Variants in FAAH2 observed in about 807,000 individuals in gnomAD.
FAAH2 encodes the protein fatty-acid amide hydrolase 2.
FAAH2 carries 60 observed loss-of-function variants against 36.9 expected under a neutral mutation model. That is an observed-to-expected ratio of 1.63 (90% CI 1.32 to 2.02). The LOEUF is 2.02. FAAH2 is among the 30% of genes most tolerant of loss of function. The pLI is 0.00. For synonymous variants in FAAH2, 214 were observed against 143.8 expected (o/e 1.49, Z -3.49); for missense variants, 689 against 397.5 (o/e 1.73, Z -6.23).
intron 3 of FAAH2, among the ~76,000 whole-genome samples, chrX:57,325,651 G>A (rs1468141176): frequency 4.4e-5 from 4 of 91,595 alleles, no homozygotes; most frequent in Admixed American, 2.5e-4. Flanking sequence ...TAGTCTGATG[G>A]TAGTTTGTAT....
chrX:57,436,053 C>T (rs2056403960), intron 8 of FAAH2, among the ~76,000 whole-genome samples: 1 of 110,956 alleles, frequency 9.0e-6, no homozygotes, highest in South Asian at 3.7e-4. Context: ...CTGAATATCA[C>T]TACTTTTGGG....
the FAAH2 span, among the ~76,000 whole-genome samples, chrX:57,237,375 A>G: frequency 9.0e-6 from 1 of 111,385 alleles, no homozygotes; most frequent in African/African-American, 3.2e-5. Flanking sequence ...TTACAATCAT[A>G]CTAACAGAAA....
chrX:57,300,710 A>T (rs1007505781), intron 2 of FAAH2, among the ~76,000 whole-genome samples: 4 of 112,073 alleles, frequency 3.6e-5, no homozygotes, highest in Non-Finnish European at 7.5e-5. Context: ...CAACCTACTC[A>T]TCTGACAAAG....
the FAAH2 span, among the ~76,000 whole-genome samples, chrX:57,191,379 G>A: frequency 9.0e-6 from 1 of 110,800 alleles, no homozygotes; most frequent in East Asian, 2.8e-4. Context: ...CTTATATATT[G>A]TGATTATTAA....
chrX:57,140,841 G>A, the FAAH2 span, among the ~76,000 whole-genome samples: 5 of 111,498 alleles, frequency 4.5e-5, no homozygotes, highest in African/African-American at 9.8e-5. Context: ...GAGGGAGGAA[G>A]AGAGGAATGA....
intron 10 of FAAH2, among the ~76,000 whole-genome samples, chrX:57,455,711 G>T (rs1051371458): frequency 1.1e-4 from 12 of 111,923 alleles, no homozygotes; most frequent in Non-Finnish European, 2.3e-4. Context: ...ACAAAGAAGG[G>T]TAATACTTAA....
intron 6 of FAAH2, among the ~76,000 whole-genome samples, chrX:57,380,579 T>A (rs2054816499): frequency 9.0e-6 from 1 of 111,656 alleles, no homozygotes; most frequent in African/African-American, 3.3e-5. Flanking sequence ...TGAAATTACC[T>A]ACTAATGATT....
the FAAH2 span, chrX:57,135,498 C>A: frequency 3.4e-6 from 1 of 297,163 alleles, no homozygotes; most frequent in South Asian, 4.4e-5. Context: ...CAGACCAGAC[C>A]AGCTAAATCC....
At chrX:57,245,952 AG>A in the FAAH2 span, among the ~76,000 whole-genome samples, 1 of 111,655 alleles carries the variant, frequency 9.0e-6, no homozygotes, top group Non-Finnish European at 1.9e-5. Context: ...TTTTTTTTAA[AG>A]ATCAACAAAA....
chrX:57,173,192 A>T, the FAAH2 span, among the ~76,000 whole-genome samples: 1 of 110,709 alleles, frequency 9.0e-6, no homozygotes, highest in African/African-American at 3.3e-5. Flanking sequence ...CACAATATTC[A>T]CTCTTCCAAT....
chrX:57,283,802 C>T (rs1244899795), upstream of FAAH2, among the ~76,000 whole-genome samples: 2 of 111,868 alleles, frequency 1.8e-5, no homozygotes, highest in African/African-American at 6.5e-5. Flanking sequence ...ACCACTGCAG[C>T]TGCAATGGCA....
Position 57,290,975 on chromosome X carries a change from G to T in FAAH2, c.193-1523G>T, listed in dbSNP as rs145776126. ...TAATTTTGGGTTTCTAATATTTCTG[G>T]ATATGATAATTTGTCAAATTGACTT... is the stretch of plus-strand genomic sequence containing the variant. On this transcript the variant is annotated intron_variant, in intron 1 of 10. Transcript: ENST00000374900. 3.2e-3 allele frequency among the ~76,000 whole-genome samples: 355 copies of T among 111,810 alleles called. 1 individual carries two copies. Among genetic ancestry groups the T allele is most frequent in the African/African-American group, 0.011 (341 of 30,828 alleles).
chrX:57,422,823 C>A (rs1306805297), intron 7 of FAAH2, among the ~76,000 whole-genome samples: 1 of 111,982 alleles, frequency 8.9e-6, no homozygotes, highest in Non-Finnish European at 1.9e-5. Context: ...CTGAAAATAG[C>A]AAAATAGCAG....
At chrX:57,323,036 A>G (rs2053081368) in intron 3 of FAAH2, among the ~76,000 whole-genome samples, 1 of 109,662 alleles carries the variant, frequency 9.1e-6, no homozygotes, top group Admixed American at 9.8e-5. Flanking sequence ...TCCTGTGTCC[A>G]TGTGTTCTCA....
the FAAH2 span, among the ~76,000 whole-genome samples, chrX:57,160,558 T>A: frequency 1.8e-5 from 2 of 112,109 alleles, no homozygotes; most frequent in African/African-American, 3.2e-5. Flanking sequence ...TTCTTCCTGG[T>A]TTAGTCTTGG....
intron 10 of FAAH2, among the ~76,000 whole-genome samples, chrX:57,449,528 T>C (rs2056745486): frequency 9.0e-6 from 1 of 111,718 alleles, no homozygotes; most frequent in Non-Finnish European, 1.9e-5. Flanking sequence ...TACGTGTAAA[T>C]TAATTAACAT....
At chrX:57,223,374 G>C in the FAAH2 span, among the ~76,000 whole-genome samples, 6 of 111,640 alleles carry the variant, frequency 5.4e-5, no homozygotes, top group Non-Finnish European at 9.4e-5. Flanking sequence ...ACCTTCAAAA[G>C]CAAGGACCAT....
chrX:57,169,848 ATCTC>A, the FAAH2 span, among the ~76,000 whole-genome samples: 1 of 104,668 alleles, frequency 9.6e-6, no homozygotes, highest in African/African-American at 3.5e-5. Flanking sequence ...TAACATTAGC[ATCTC>A]TCTCTCTCTC....
chrX:57,262,359 T>A, the FAAH2 span, among the ~76,000 whole-genome samples: 1 of 111,777 alleles, frequency 8.9e-6, no homozygotes, highest in Admixed American at 9.5e-5. Flanking sequence ...AAGATAATTA[T>A]ATCAATAATT....
Sources: allele counts gnomAD v4.1 joint callset (sites outside exome capture counted in the v4.1 genomes callset), GRCh38; gene constraint gnomAD v4.1.1; transcripts MANE v1.5; gene names NCBI Gene and HGNC (gene_info 2026-07-23, HGNC 2026-07-21).